Variants in PARD3 observed in about 807,000 individuals in gnomAD.
The protein encoded by PARD3 is partitioning defective 3 homolog.
PARD3 carries 75 observed loss-of-function variants against 155.4 expected under a neutral mutation model. The observed-to-expected ratio is 0.48, with a 90% CI of 0.40 to 0.58. PARD3 has a LOEUF of 0.58. Among genes scored for constraint, PARD3 ranks in the 20% least tolerant of loss-of-function variants. The pLI is 0.00. For missense variants in PARD3, 1,642 were observed against 1,721.7 expected (o/e 0.95, Z 0.82); for synonymous variants, 576 against 610.5 (o/e 0.94, Z 0.83).
intron 1 of PARD3, among the ~76,000 whole-genome samples, chr10:34,767,468 A>C (rs1432183367): frequency 1.3e-5 from 2 of 152,284 alleles, no homozygotes; most frequent in East Asian, 1.9e-4. Context: ...CAGAACACTC[A>C]GCAGCCTGAC....
chr10:34,171,593 T>C (rs1949795357), intron 22 of PARD3, among the ~76,000 whole-genome samples: 1 of 152,068 alleles, frequency 6.6e-6, no homozygotes, highest in Admixed American at 6.6e-5. Flanking sequence ...CCTCCTGTCC[T>C]CCCTCAGATG....
intron 2 of PARD3, among the ~76,000 whole-genome samples, chr10:34,549,636 CA>C (rs1460790955): frequency 3.3e-5 from 5 of 152,148 alleles, no homozygotes; most frequent in African/African-American, 1.2e-4. Context: ...ACATTTATAA[CA>C]TACCCTAAAA....
At chr10:34,214,480 G>T (rs973514880) in intron 22 of PARD3, among the ~76,000 whole-genome samples, 3 of 152,140 alleles carry the variant, frequency 2.0e-5, no homozygotes, top group Non-Finnish European at 4.4e-5. Context: ...GGGCACATGG[G>T]AGAGAAAAGC....
chr10:34,661,655 C>T (rs1416545006), intron 2 of PARD3, among the ~76,000 whole-genome samples: 1 of 152,196 alleles, frequency 6.6e-6, no homozygotes, highest in African/African-American at 2.4e-5. Flanking sequence ...TATTCATCTG[C>T]AGCAAAAATT....
intron 1 of PARD3, among the ~76,000 whole-genome samples, chr10:34,769,446 C>T (rs1303941161): frequency 6.6e-6 from 1 of 152,118 alleles, no homozygotes; most frequent in African/African-American, 2.4e-5. Flanking sequence ...CCCATTTATC[C>T]TCTCCAGGTG....
At chr10:34,325,294 A>G (rs1958623524) in intron 19 of PARD3, among the ~76,000 whole-genome samples, 1 of 151,890 alleles carries the variant, frequency 6.6e-6, no homozygotes. Context: ...ACAGGCACCT[A>G]CATCTTAAAC....
Position 34,317,224 on chromosome 10 carries a change from T to C in PARD3, c.2948A>G (p.Asp983Gly), listed in dbSNP as rs777640203. ...TTTATCCTTTTTTCTATCAGTCTTATCACCTTTCTCTTGGTTTCCATTCAT... is the reference window on the plus strand; with the variant it reads ...TTTATCCTTTTTTCTATCAGTCTTACCACCTTTCTCTTGGTTTCCATTCAT... ...RQMNGNQEKG[D>G]KTDRKKDKTG... Residue 983 changes from aspartate (D) to glycine (G), a missense_variant, in exon 20 of 25, where the codon GAT becomes GGT. Asp to Gly is a moderately conservative substitution (Grantham distance 94). Around this residue, in one of 3 missense-constraint regions of PARD3, gnomAD observed 1,529 missense variants for 1,587.3 expected, o/e 0.96. Coordinates refer to ENST00000374788, the MANE Select transcript of PARD3 (RefSeq NM_001184785.2). 5.0e-6 allele frequency: 8 copies of C among 1,613,850 alleles called. No individual in the cohort carries two copies. The highest frequency in any genetic ancestry group is 4.4e-5 in the South Asian group (4 of 91,072).
intron 2 of PARD3, among the ~76,000 whole-genome samples, chr10:34,536,924 G>A (rs1175027198): frequency 6.6e-6 from 1 of 152,186 alleles, no homozygotes. Flanking sequence ...GTGGGTAACT[G>A]AGCGAAAGAA....
rs1179251236 is a variant in PARD3, at chr10:34,233,318, C to A, written c.3419+36339G>T. Among the ~76,000 whole-genome samples the A allele has an allele frequency of 2.6e-5, 4 of 151,944 alleles. No individual in the cohort carries two copies. The East Asian group carries it at 7.7e-4, about 29-fold the overall frequency. ...CTCTTGATTTCTATTATTCCTGCTA[C>A]CCCATCTCAGTTTCCTTTGCTCCTT... On this transcript the variant is annotated intron_variant, in intron 22 of 24. Coordinates refer to ENST00000374788, the MANE Select transcript of PARD3 (RefSeq NM_001184785.2).
intron 15 of PARD3, chr10:34,343,163 TAGAATTATA>T (rs1554834333): frequency 4.2e-6 from 1 of 237,964 alleles, no homozygotes; most frequent in Non-Finnish European, 6.8e-6. Flanking sequence ...TCAAAGTATA[TAGAATTATA>T]AAACCAGTCA....
intron 8 of PARD3, among the ~76,000 whole-genome samples, chr10:34,383,414 T>TACACACAC (rs1842051482): frequency 1.9e-5 from 2 of 104,660 alleles, no homozygotes; most frequent in African/African-American, 9.9e-5. Flanking sequence ...CACACACACT[T>TACACACAC]AGAAGACTAT....
Position 34,372,550 on chromosome 10 carries a change from A to C in PARD3, c.1669-14T>G. 6.3e-7 allele frequency: 1 copy of C among 1,594,762 alleles called. No homozygotes were observed. Among genetic ancestry groups the C allele is most frequent in the Non-Finnish European group, 8.6e-7 (1 of 1,162,720 alleles). ...TGGCTCTGCATTCTAGAAGAATTGA[A>C]GAAAAACATAAATACAGACTGACCA... On this transcript the variant is annotated splice_polypyrimidine_tract_variant and intron_variant, in intron 11 of 24. Transcript: ENST00000374788.
rs11009736 is a variant in PARD3 at position 34,319,759 on chromosome 10, T to C, written c.2834-2421A>G. On this transcript the variant is annotated intron_variant, in intron 19 of 24. Coordinates refer to ENST00000374788, the MANE Select transcript of PARD3 (RefSeq NM_001184785.2). ...AGCAGGGCTGTAGTGTGTTGCTTAA[T>C]GCCCTTGAACATGGCTGTGTTCTAT... Among the ~76,000 whole-genome samples, 220 of 152,354 alleles carry C rather than the reference T, an allele frequency of 1.4e-3. 1 individual carries two copies. The highest frequency in any genetic ancestry group is 5.0e-3 in the African/African-American group (207 of 41,588).
chr10:34,202,137 G>C lies in PARD3; in HGVS notation c.3419+67520C>G, dbSNP rs143863542. The stretch of plus-strand genomic sequence containing the variant: ...TGCTCAGGCAAGAGTGCAGTGGTGT[G>C]ATCACAGCTCACTGCAGCCTCGACC... On this transcript the variant is annotated intron_variant, in intron 22 of 24. Transcript: ENST00000374788. The C allele has an allele frequency of 5.4e-3, 830 of 152,358 alleles. 11 individuals are homozygous for C. Among genetic ancestry groups the C allele is most frequent in the African/African-American group, 0.018 (749 of 41,524 alleles). The allele number at this position is 152,358 out of a possible 1,614,324, so 9.4% of individuals were successfully genotyped here. A position where few individuals can be genotyped will look rare whatever the true frequency, so the allele number is the denominator to read the frequency against.
intron 2 of PARD3, among the ~76,000 whole-genome samples, chr10:34,570,881 T>C (rs2134151492): frequency 6.6e-6 from 1 of 152,190 alleles, no homozygotes; most frequent in Non-Finnish European, 1.5e-5. Context: ...AAAAGGGTCC[T>C]GAGGATCCCA....
chr10:34,233,620 A>C (rs1953055341), intron 22 of PARD3, among the ~76,000 whole-genome samples: 1 of 152,052 alleles, frequency 6.6e-6, no homozygotes, highest in African/African-American at 2.4e-5. Context: ...CTGCATCTCA[A>C]AAAGCAGTGC....
chr10:34,261,230 G>A (rs968215577), intron 22 of PARD3, among the ~76,000 whole-genome samples: 2 of 152,004 alleles, frequency 1.3e-5, no homozygotes, highest in Non-Finnish European at 2.9e-5. Flanking sequence ...TACAGATTCT[G>A]GTCTCTGGAT....
At chr10:34,726,697 A>AG (rs931861247) in intron 1 of PARD3, among the ~76,000 whole-genome samples, 9 of 151,862 alleles carry the variant, frequency 5.9e-5, no homozygotes, top group Non-Finnish European at 8.8e-5. Flanking sequence ...TAGGAGGTGG[A>AG]GGCTACAGTG....
At chr10:34,741,883 G>T (rs1247555718) in intron 1 of PARD3, among the ~76,000 whole-genome samples, 1 of 152,166 alleles carries the variant, frequency 6.6e-6, no homozygotes, top group African/African-American at 2.4e-5. Context: ...CTCACAGGAT[G>T]ATTCCAGATT....
Sources: gnomAD v4.1 joint callset for allele counts (sites outside exome capture counted in the v4.1 genomes callset) on GRCh38, gnomAD v4.1.1 for gene constraint, gnomAD v4.1.1 regional missense constraint, MANE v1.5 for transcripts, NCBI Gene and HGNC (gene_info 2026-07-23, HGNC 2026-07-21) for gene names.